Variants in CRTAC1 observed in about 807,000 individuals in gnomAD.
CRTAC1 encodes the protein acidic secreted protein in cartilage.
A neutral mutation model predicts 67.8 loss-of-function variants in CRTAC1; 37 were observed. That is an observed-to-expected ratio of 0.55 (90% CI 0.42 to 0.72). CRTAC1 has a LOEUF of 0.72. Ranked by LOEUF, CRTAC1 falls within the 30% of genes least tolerant of loss-of-function variation. The pLI, the probability that CRTAC1 is intolerant of heterozygous loss-of-function variation, is 0.00. For missense variants in CRTAC1, 780 were observed against 931.6 expected (o/e 0.84, Z 2.12); for synonymous variants, 348 against 371.0 (o/e 0.94, Z 0.71).
intron 8 of CRTAC1, 45 bp from the exon 9 acceptor site, chr10:97,897,036 C>A: frequency 7.0e-7 from 1 of 1,432,896 alleles, no homozygotes; most frequent in Non-Finnish European, 9.6e-7. Context: ...TCTCAGAGGC[C>A]GCTGGACCAG....
At chr10:97,936,441 G>A in intron 2 of CRTAC1, 75 bp from the exon 3 acceptor site, 1 of 1,266,942 alleles carries the variant, frequency 7.9e-7, no homozygotes, top group Non-Finnish European at 1.1e-6. Context: ...CAGAGCAACG[G>A]GCTGGGAGTC....
intron 2 of CRTAC1, among the ~76,000 whole-genome samples, chr10:97,962,883 A>C (rs974296735): frequency 6.6e-6 from 1 of 151,994 alleles, no homozygotes; most frequent in Non-Finnish European, 1.5e-5. Flanking sequence ...AGCAAAAAAA[A>C]CCAAAACAAA....
rs540956439 is a variant in CRTAC1, at chr10:97,882,708, C to T, written c.1675+78G>A. The T allele has an allele frequency of 1.7e-5, 26 of 1,520,152 alleles. No homozygotes were observed. The Admixed American group carries it at 2.0e-4, about 12-fold the overall frequency. The allele number at this position is 1,520,152 out of a possible 1,614,324, so 94.2% of individuals were successfully genotyped here. On this transcript the variant is annotated intron_variant, in intron 13 of 14. Coordinates refer to ENST00000370597, the MANE Select transcript of CRTAC1 (RefSeq NM_018058.7). ...TCTGCCCCTTGCTTGCACCCTGGAC[C>T]TTGGCATGAGTCAGGCGGGCATTCC...
chr10:97,978,325 T>C (rs1215193850), intron 2 of CRTAC1, among the ~76,000 whole-genome samples: 2 of 152,162 alleles, frequency 1.3e-5, no homozygotes, highest in South Asian at 2.1e-4. Context: ...CTCCATTTTT[T>C]ACCAGCTCTG....
At chr10:97,981,751 T>G (rs927758379) in intron 2 of CRTAC1, among the ~76,000 whole-genome samples, 2 of 152,238 alleles carry the variant, frequency 1.3e-5, no homozygotes, top group Non-Finnish European at 2.9e-5. Flanking sequence ...ACTAATAGTT[T>G]ATGAAAATGT....
chr10:97,891,693 G>A (rs510393), intron 11 of CRTAC1, among the ~76,000 whole-genome samples: 15 of 152,114 alleles, frequency 9.9e-5, no homozygotes, highest in East Asian at 7.7e-4. Context: ...CCCTGTTCTC[G>A]CACCCCCATG....
chr10:97,894,296 T>C (rs1564881848), intron 11 of CRTAC1, among the ~76,000 whole-genome samples: 1 of 152,218 alleles, frequency 6.6e-6, no homozygotes, highest in Non-Finnish European at 1.5e-5. Context: ...CTTGGTATTG[T>C]TGCTATTTTT....
intron 2 of CRTAC1, among the ~76,000 whole-genome samples, chr10:97,949,191 G>A (rs1014318503): frequency 1.2e-4 from 18 of 152,334 alleles, no homozygotes; most frequent in African/African-American, 4.3e-4. Context: ...GCAAGTGAGA[G>A]ACTTACACAT....
intron 2 of CRTAC1, among the ~76,000 whole-genome samples, chr10:97,946,085 A>T (rs746018269): frequency 6.6e-6 from 1 of 152,228 alleles, no homozygotes; most frequent in Non-Finnish European, 1.5e-5. Context: ...GCTGATGATG[A>T]CGAAGACCAT....
chr10:97,972,881 T>C (rs966290721), intron 2 of CRTAC1, among the ~76,000 whole-genome samples: 3 of 152,138 alleles, frequency 2.0e-5, no homozygotes, highest in Non-Finnish European at 2.9e-5. Flanking sequence ...TTCCAAGACA[T>C]TGATGGAATT....
chr10:97,935,055 C>T (rs1176984346), intron 3 of CRTAC1, among the ~76,000 whole-genome samples: 1 of 152,180 alleles, frequency 6.6e-6, no homozygotes, highest in African/African-American at 2.4e-5. Context: ...TGAGCAACAA[C>T]TGCAAGCTAG....
chr10:97,907,868 G>T, intron 6 of CRTAC1, 145 bp downstream of exon 6: 1 of 799,680 alleles, frequency 1.3e-6, no homozygotes, highest in Non-Finnish European at 1.9e-6. Flanking sequence ...GACAAGCAGC[G>T]TTTCTCTGTG....
At chr10:97,943,146 A>G (rs911261901) in intron 2 of CRTAC1, among the ~76,000 whole-genome samples, 2 of 152,232 alleles carry the variant, frequency 1.3e-5, no homozygotes, top group Non-Finnish European at 2.9e-5. Context: ...CAGGGCAGAA[A>G]GAAGAGAGAG....
rs557332478 is a variant in CRTAC1 at position 97,972,994 on chromosome 10, G to A, written c.225-36628C>T. On this transcript the variant is annotated intron_variant, in intron 2 of 14. Coordinates refer to ENST00000370597, the MANE Select transcript of CRTAC1 (RefSeq NM_018058.7). ...CAAGTGTAATTGTGCATTTGCAGAG[G>A]CACAGAAAGTAGTGAAGTGCTCCCA... Among the ~76,000 whole-genome samples, 5 of 152,204 alleles carry A rather than the reference G, an allele frequency of 3.3e-5. No homozygotes were observed. In the East Asian group the frequency reaches 5.8e-4, roughly 18 times the overall value.
intron 4 of CRTAC1, among the ~76,000 whole-genome samples, chr10:97,921,702 C>T (rs1237860783): frequency 2.0e-5 from 3 of 152,168 alleles, no homozygotes; most frequent in Non-Finnish European, 4.4e-5. Flanking sequence ...GGCCTCTCTC[C>T]ATTCCTCCCC....
intron 2 of CRTAC1, among the ~76,000 whole-genome samples, chr10:98,009,632 C>T (rs1358382236): frequency 6.6e-6 from 1 of 152,168 alleles, no homozygotes; most frequent in African/African-American, 2.4e-5. Context: ...CCAGGTCTTT[C>T]AATTCCAAGG....
chr10:97,884,242 C>A lies in CRTAC1; in HGVS notation c.1596G>T (p.Arg532=). The A allele has an allele frequency of 6.4e-7, 1 of 1,568,142 alleles. No individual in the cohort carries two copies. The highest frequency in any genetic ancestry group is 2.4e-5 in the East Asian group (1 of 42,394). Residue 532 remains arginine (R), a synonymous_variant, in exon 12 of 15, where the codon CGG becomes CGT. Coordinates refer to ENST00000370597, the MANE Select transcript of CRTAC1 (RefSeq NM_018058.7). ...CTGGGTCCTGAAGTGTGTCCTCATC[C>A]CGGGGGTAGAGGATCTCCAGCACTG... ...MNSVLEILYP[R]DEDTLQDPAP... is the part of the protein sequence containing the mutation.
intron 2 of CRTAC1, among the ~76,000 whole-genome samples, chr10:97,997,605 T>C (rs1046109997): frequency 6.6e-6 from 1 of 152,122 alleles, no homozygotes; most frequent in African/African-American, 2.4e-5. Context: ...GGACTGCGGA[T>C]ATTAGAACTG....
intron 2 of CRTAC1, among the ~76,000 whole-genome samples, chr10:97,952,538 CAAAAAAAAAAAA>C (rs397844653): frequency 3.1e-5 from 2 of 64,218 alleles, no homozygotes; most frequent in African/African-American, 1.4e-4. Flanking sequence ...AATTCCATCT[CAAAAAAAAAAAA>C]AAAAAAAAAA....
Sources: gnomAD v4.1 joint callset for allele counts (sites outside exome capture counted in the v4.1 genomes callset) on GRCh38, gnomAD v4.1.1 for gene constraint, MANE v1.5 for transcripts, NCBI Gene and HGNC (gene_info 2026-07-23, HGNC 2026-07-21) for gene names.